NR5A2: variants seen among roughly 807,000 people sequenced by gnomAD.
NR5A2 encodes the protein CYP7A promoter-binding factor.
A neutral mutation model predicts 62.7 loss-of-function variants in NR5A2; 26 were observed. That is an observed-to-expected ratio of 0.41 (90% CI 0.30 to 0.58). The LOEUF (loss-of-function observed/expected upper bound fraction) is 0.58. NR5A2 is among the 20% of genes least tolerant of loss of function. The pLI is 0.22. For synonymous variants in NR5A2, 246 were observed against 241.7 expected (o/e 1.02, Z -0.16); for missense variants, 541 against 669.1 (o/e 0.81, Z 2.11).
At chr1:200,158,959 A>C (rs1462169986) in intron 7 of NR5A2, among the ~76,000 whole-genome samples, 1 of 150,888 alleles carries the variant, frequency 6.6e-6, no homozygotes, top group Non-Finnish European at 1.5e-5. Context: ...GAATGGCCCG[A>C]TCACAGTTCA....
intron 6 of NR5A2, among the ~76,000 whole-genome samples, chr1:200,115,667 G>A (rs576051784): frequency 6.6e-6 from 1 of 152,272 alleles, no homozygotes; most frequent in African/African-American, 2.4e-5. Context: ...ATTAATGACT[G>A]CCCTTTGCAT....
rs2102404042 is a variant in NR5A2 at position 200,176,536 on chromosome 1, T to C, written c.*2326T>C. ...AGATACATGGAGAGGAATGGTGTGG[T>C]CAACAGTTAATGAAACGGTTCTATC... On this transcript the variant is annotated 3_prime_UTR_variant, in exon 8 of 8. Coordinates refer to ENST00000367362, the MANE Select transcript of NR5A2 (RefSeq NM_205860.3). The C allele has an allele frequency of 6.6e-6, 1 of 152,344 alleles. No homozygotes were observed. The highest frequency in any genetic ancestry group is 2.1e-4 in the South Asian group (1 of 4,830). 9.4% of individuals were successfully genotyped at this position (152,344 alleles called of 1,614,324 possible).
At chr1:200,040,050 G>GC (rs1047783333) in intron 2 of NR5A2, among the ~76,000 whole-genome samples, 8 of 152,178 alleles carry the variant, frequency 5.3e-5, no homozygotes, top group African/African-American at 1.4e-4. Context: ...CAGCTCTATG[G>GC]CAACCCAAGC....
Position 200,050,977 on chromosome 1 carries a change from T to C in NR5A2, c.1110+2159T>C, listed in dbSNP as rs550193485. Among the ~76,000 whole-genome samples the C allele has an allele frequency of 7.5e-4, 115 of 152,336 alleles. No individual in the cohort carries two copies. In the Middle Eastern group the frequency reaches 0.01, roughly 14 times the overall value. On this transcript the variant is annotated intron_variant, in intron 5 of 7. Coordinates refer to ENST00000367362, the MANE Select transcript of NR5A2 (RefSeq NM_205860.3). ...ATCTACATAATTTTTATATTTAGGATCAAAACAATGCAATTATAGTCTCTT... is the reference window on the plus strand; with the variant it reads ...ATCTACATAATTTTTATATTTAGGACCAAAACAATGCAATTATAGTCTCTT...
chr1:200,074,837 C>A (rs901778498), intron 5 of NR5A2, among the ~76,000 whole-genome samples: 2 of 147,054 alleles, frequency 1.4e-5, no homozygotes, highest in African/African-American at 5.0e-5. Context: ...AAAAACTTCT[C>A]CAAATATGGA....
chr1:200,154,431 C>T (rs749038388), intron 7 of NR5A2, among the ~76,000 whole-genome samples: 1 of 152,220 alleles, frequency 6.6e-6, no homozygotes, highest in Non-Finnish European at 1.5e-5. Flanking sequence ...CAGTTGATAA[C>T]AATAATCACC....
At position 200,045,591 on chromosome 1, in the gene NR5A2, T is replaced by C. The variant is rs774423677; in HGVS notation, c.463+7T>C. The C allele has an allele frequency of 8.1e-6, 13 of 1,606,768 alleles. No homozygotes were observed. In the East Asian group the frequency reaches 2.9e-4, roughly 36 times the overall value. On this transcript the variant is annotated splice_region_variant and intron_variant, in intron 4 of 7. Transcript: ENST00000367362. ...GTTGGAATGAAGCTAGAAGGTAAGA[T>C]TCTTCTAAAGACTACTGCCTATTAA...
intron 7 of NR5A2, among the ~76,000 whole-genome samples, chr1:200,121,963 C>A (rs531931365): frequency 2.0e-5 from 3 of 152,032 alleles, no homozygotes; most frequent in Non-Finnish European, 4.4e-5. Flanking sequence ...ACAACTGTTG[C>A]TAATAAAGGG....
At position 200,085,500 on chromosome 1, in the gene NR5A2, G is replaced by A. The variant is rs139334027; in HGVS notation, c.1111-25702G>A. ...CTTCCATTTGCTTCCCATAAGCTCA[G>A]CATGTAACTTCACTGTCCTTCTCTA... is the stretch of plus-strand genomic sequence containing the variant. On this transcript the variant is annotated intron_variant, in intron 5 of 7. Transcript: ENST00000367362. Among the ~76,000 whole-genome samples, 38 of 152,208 alleles carry A rather than the reference G, an allele frequency of 2.5e-4. No homozygotes were observed. In the East Asian group the frequency reaches 6.4e-3, roughly 26 times the overall value.
At chr1:200,133,352 G>A (rs901780244) in intron 7 of NR5A2, among the ~76,000 whole-genome samples, 7 of 151,838 alleles carry the variant, frequency 4.6e-5, no homozygotes, top group African/African-American at 1.5e-4. Flanking sequence ...GGAGCTCTGT[G>A]CCATCCATAA....
intron 7 of NR5A2, chr1:200,148,188 C>CCT (rs1389153443): frequency 2.1e-5 from 6 of 291,798 alleles, no homozygotes; most frequent in African/African-American, 1.1e-4. Flanking sequence ...GCTTCTGCAA[C>CCT]CTGTCCGTTG....
At position 200,043,895 on chromosome 1, in the gene NR5A2, T is replaced by G; in HGVS notation, c.321+3T>G. 6.4e-7 allele frequency: 1 copy of G among 1,571,658 alleles called. No individual in the cohort carries two copies. The highest frequency in any genetic ancestry group is 8.7e-7 in the Non-Finnish European group (1 of 1,143,106). On this transcript the variant is annotated splice_donor_region_variant and intron_variant, in intron 3 of 7. Coordinates refer to ENST00000367362, the MANE Select transcript of NR5A2 (RefSeq NM_205860.3). ...TCCTCACCTGTGAAAGCTGCAAGGT[T>G]TGCTCACACATTGCTACCTGAAAAA...
intron 5 of NR5A2, among the ~76,000 whole-genome samples, chr1:200,079,789 C>T (rs1474303915): frequency 6.6e-6 from 1 of 152,048 alleles, no homozygotes; most frequent in African/African-American, 2.4e-5. Flanking sequence ...TTAGTAGTTC[C>T]TTTTGAACCG....
intron 5 of NR5A2, among the ~76,000 whole-genome samples, chr1:200,053,479 C>G (rs535981415): frequency 6.3e-4 from 96 of 151,586 alleles, no homozygotes; most frequent in Non-Finnish European, 9.9e-4. Context: ...GATTATCCAG[C>G]TACTGAATGG....
Position 200,147,902 on chromosome 1 carries a change from A to G in NR5A2, c.1379-26061A>G. 1 of 397,742 alleles carries G rather than the reference A, an allele frequency of 2.5e-6. No individual in the cohort carries two copies. The allele number at this position is 397,742 out of a possible 1,614,324, so 24.6% of individuals were successfully genotyped here. ...GAGCGGTGGCCGGCGCGCGGGGAGA[A>G]GCTGCGGGCTGTGATGTGGTGCAGC... is the stretch of plus-strand genomic sequence containing the variant. On this transcript the variant is annotated intron_variant, in intron 7 of 7. Transcript: ENST00000367362. This position sits in a 1 kb window ranked among gnomAD's most constrained non-coding sequence, Gnocchi z 4.9.
intron 5 of NR5A2, among the ~76,000 whole-genome samples, chr1:200,094,732 C>T (rs1664996777): frequency 6.6e-6 from 1 of 151,566 alleles, no homozygotes; most frequent in African/African-American, 2.4e-5. Context: ...CGGGGTTTCG[C>T]TGTGCTAGCC....
rs555933818 is a variant in NR5A2 at position 200,107,658 on chromosome 1, G to C, written c.1111-3544G>C. On this transcript the variant is annotated intron_variant, in intron 5 of 7. Transcript: ENST00000367362. ...AGTCAGACTGTTTTTTGCTTGTTTTGAGACAGAGTCTTGTTCTGTCACCCA... is the reference window on the plus strand; with the variant it reads ...AGTCAGACTGTTTTTTGCTTGTTTTCAGACAGAGTCTTGTTCTGTCACCCA... Among the ~76,000 whole-genome samples the C allele has an allele frequency of 6.6e-5, 10 of 152,096 alleles. No individual in the cohort carries two copies. The South Asian group carries it at 1.7e-3, about 25-fold the overall frequency.
chr1:200,142,348 T>G (rs1014230559), intron 7 of NR5A2, among the ~76,000 whole-genome samples: 1 of 151,586 alleles, frequency 6.6e-6, no homozygotes, highest in Non-Finnish European at 1.5e-5. Context: ...TACAGGTGCC[T>G]GCCACCACGC....
In NR5A2 at chr1:200,048,128, T is replaced by G. The variant is rs147866349; in HGVS notation, c.464-44T>G. On this transcript the variant is annotated intron_variant, in intron 4 of 7. Transcript: ENST00000367362. This position sits in a 1 kb window ranked among gnomAD's most constrained non-coding sequence, Gnocchi z 4.8. Reference sequence around the variant, plus strand: ...CTGAAGAATGCTAATAATTTGCACCTTATTTATACCTTTCCTTCCTTCCCC... The same window carrying G: ...CTGAAGAATGCTAATAATTTGCACCGTATTTATACCTTTCCTTCCTTCCCC... The G allele has an allele frequency of 7.8e-3, 11,831 of 1,514,552 alleles. 95 individuals are homozygous for G. Among genetic ancestry groups the G allele is most frequent in the Non-Finnish European group, 7.3e-3 (8,157 of 1,123,514 alleles). The allele number at this position is 1,514,552 out of a possible 1,614,324, so 93.8% of individuals were successfully genotyped here.
Sources: gnomAD v4.1 joint callset for allele counts (sites outside exome capture counted in the v4.1 genomes callset) on GRCh38, gnomAD v4.1.1 for gene constraint, Gnocchi (gnomAD v3.1) non-coding constraint, MANE v1.5 for transcripts, NCBI Gene and HGNC (gene_info 2026-07-23, HGNC 2026-07-21) for gene names.